The following EYS variants were observed in gnomAD, a reference collection of about 807,000 sequenced individuals.
EYS encodes protein eyes shut homolog.
Under a neutral mutation model 282.1 loss-of-function variants are expected in EYS, and 250 were observed. The ratio of observed to expected loss-of-function variants is 0.89; its 90% CI spans 0.80 to 0.98. The LOEUF (loss-of-function observed/expected upper bound fraction) is 0.98, where lower values mean the gene tolerates loss of function less well. Among genes scored for constraint, EYS ranks in the 50% least tolerant of loss-of-function variants. The probability of loss-of-function intolerance (pLI) is 0.00; values close to 1 mark genes in which losing one functional copy is unlikely to be tolerated. For missense variants in EYS, 4,016 were observed against 3,709.0 expected, an observed-to-expected ratio of 1.08 and a Z score of -2.15; for synonymous variants, 1,355 against 1,282.9, an observed-to-expected ratio of 1.06 and a Z score of -1.20.
chr6:64,882,792 C>A (rs1281385576), intron 19 of EYS, among the ~76,000 whole-genome samples: 1 of 151,458 alleles, frequency 6.6e-6, no homozygotes, highest in Non-Finnish European at 1.5e-5. Flanking sequence ...ACTCAGCTGA[C>A]ATATTGTACC....
At position 65,495,258 on chromosome 6, in the gene EYS, CA is replaced by C; in HGVS notation, c.152del (p.Leu51TrpfsTer12). ...VNWTLTENIC[L>X]DFYRDCWFLG... ...AAAACCAGCAATCTCTGTAGAAGTC[CA>C]AGCAGATGTTTTCTGTTAGTGTCCA... On this transcript the variant is annotated frameshift_variant, in exon 4 of 43. Coordinates refer to ENST00000503581, the MANE Select transcript of EYS (RefSeq NM_001142800.2). LOFTEE classifies it high-confidence loss of function. 6.2e-7 allele frequency: 1 copy of C among 1,613,994 alleles called. No individual in the cohort carries two copies. Among genetic ancestry groups the C allele is most frequent in the Non-Finnish European group, 8.5e-7 (1 of 1,179,998 alleles).
intron 31 of EYS, among the ~76,000 whole-genome samples, chr6:64,128,561 G>C (rs1055098135): frequency 2.0e-5 from 3 of 151,958 alleles, no homozygotes; most frequent in Non-Finnish European, 4.4e-5. Flanking sequence ...GAAATGTAAG[G>C]GCTGTCAACA....
intron 22 of EYS, among the ~76,000 whole-genome samples, chr6:64,747,196 T>C (rs1374145572): frequency 1.3e-5 from 2 of 152,242 alleles, no homozygotes; most frequent in Non-Finnish European, 2.9e-5. Context: ...CAATGGGTTA[T>C]ATCATCTAGG....
chr6:65,431,750 T>C (rs1031970954), intron 5 of EYS, among the ~76,000 whole-genome samples: 2 of 152,110 alleles, frequency 1.3e-5, no homozygotes, highest in East Asian at 1.9e-4. Context: ...ATAATGAAAA[T>C]GAAGAATAAA....
At chr6:65,312,658 C>T (rs1769191118) in intron 11 of EYS, among the ~76,000 whole-genome samples, 1 of 152,148 alleles carries the variant, frequency 6.6e-6, no homozygotes, top group Admixed American at 6.6e-5. Context: ...TACATGTAAA[C>T]AAGTTGCACT....
At chr6:65,344,318 A>T in intron 9 of EYS, 141 bp from the exon 10 acceptor site, 1 of 700,178 alleles carries the variant, frequency 1.4e-6, no homozygotes, top group Non-Finnish European at 2.5e-6. Flanking sequence ...TATGCATATG[A>T]TATTGAATTT....
At chr6:64,668,821 C>G (rs1769332956) in intron 22 of EYS, among the ~76,000 whole-genome samples, 1 of 151,982 alleles carries the variant, frequency 6.6e-6, no homozygotes. Flanking sequence ...CCCGCCTCAG[C>G]CTCCCAAAGT....
chr6:64,060,145 T>C (rs1771115858), intron 33 of EYS, among the ~76,000 whole-genome samples: 1 of 152,192 alleles, frequency 6.6e-6, no homozygotes, highest in Non-Finnish European at 1.5e-5. Flanking sequence ...TTCCTGGCTC[T>C]AAGACTACCA....
chr6:65,106,133 A>G (rs1362420153), intron 12 of EYS, among the ~76,000 whole-genome samples: 1 of 151,978 alleles, frequency 6.6e-6, no homozygotes, highest in East Asian at 1.9e-4. Context: ...TTAGACACAA[A>G]GAAACTCTTA....
At chr6:65,362,564 C>T (rs1279475623) in intron 8 of EYS, among the ~76,000 whole-genome samples, 2 of 151,552 alleles carry the variant, frequency 1.3e-5, no homozygotes, top group Non-Finnish European at 2.9e-5. Context: ...ACACATTACA[C>T]ATTATTATAT....
At chr6:64,873,699 CA>C (rs1009565497) in intron 19 of EYS, among the ~76,000 whole-genome samples, 12 of 150,892 alleles carry the variant, frequency 8.0e-5, no homozygotes, top group African/African-American at 2.0e-4. Context: ...ATTCTCATTA[CA>C]AAAAAAATTA....
chr6:65,373,617 A>C (rs1765246122), intron 8 of EYS, among the ~76,000 whole-genome samples: 1 of 152,100 alleles, frequency 6.6e-6, no homozygotes, highest in South Asian at 2.1e-4. Context: ...ATAGAATGAT[A>C]CAGGTGCTTT....
intron 22 of EYS, among the ~76,000 whole-genome samples, chr6:64,666,551 T>C (rs909498903): frequency 6.6e-6 from 1 of 152,232 alleles, no homozygotes; most frequent in African/African-American, 2.4e-5. Flanking sequence ...ACTTCTTAAA[T>C]GTTACTGTTT....
chr6:64,932,925 A>T (rs1362332617), intron 15 of EYS, among the ~76,000 whole-genome samples: 1 of 152,110 alleles, frequency 6.6e-6, no homozygotes, highest in African/African-American at 2.4e-5. Context: ...ACTAGCTACT[A>T]GGAAAGAGCA....
chr6:63,817,188 C>A (rs532198889), intron 36 of EYS, among the ~76,000 whole-genome samples: 1 of 152,214 alleles, frequency 6.6e-6, no homozygotes, highest in African/African-American at 2.4e-5. Context: ...TACTATTGTG[C>A]TTTTTTGCTT....
At chr6:63,930,074 G>T (rs1257561843) in intron 35 of EYS, among the ~76,000 whole-genome samples, 1 of 152,046 alleles carries the variant, frequency 6.6e-6, no homozygotes, top group Non-Finnish European at 1.5e-5. Context: ...CTTATTGCCA[G>T]CTTCTGTTTT....
At chr6:65,569,648 C>G in intron 2 of EYS, among the ~76,000 whole-genome samples, 1 of 152,202 alleles carries the variant, frequency 6.6e-6, no homozygotes, top group South Asian at 2.1e-4. Context: ...GTTGCCCCCA[C>G]CCAAATCAAT....
At chr6:65,348,071 T>G (rs1019759757) in intron 9 of EYS, among the ~76,000 whole-genome samples, 1 of 151,796 alleles carries the variant, frequency 6.6e-6, no homozygotes, top group Non-Finnish European at 1.5e-5. Flanking sequence ...TCTCATTTTT[T>G]TATATAGCTG....
intron 19 of EYS, among the ~76,000 whole-genome samples, chr6:64,836,924 GAC>G (rs1355742575): frequency 7.3e-5 from 11 of 151,580 alleles, no homozygotes; most frequent in South Asian, 2.1e-4. Context: ...ATAAACTAGA[GAC>G]ACATTAATTA....
Sources: allele counts gnomAD v4.1 joint callset (sites outside exome capture counted in the v4.1 genomes callset), GRCh38; gene constraint gnomAD v4.1.1; transcripts MANE v1.5; gene names NCBI Gene and HGNC (gene_info 2026-07-23, HGNC 2026-07-21).